Variants in DCLK1 observed in about 807,000 individuals in gnomAD.
DCLK1 encodes doublecortin like kinase 1.
DCLK1 carries 16 observed loss-of-function variants against 86.2 expected under a neutral mutation model. The observed-to-expected ratio is 0.19, with a 90% CI of 0.13 to 0.28. The LOEUF (loss-of-function observed/expected upper bound fraction) is 0.28. Among genes scored for constraint, DCLK1 ranks in the 10% least tolerant of loss-of-function variants. The pLI is 1.00. For synonymous variants in DCLK1, 369 were observed against 370.5 expected (o/e 1.00, Z 0.05); for missense variants, 590 against 940.2 (o/e 0.63, Z 4.87).
intron 3 of DCLK1, among the ~76,000 whole-genome samples, chr13:36,067,442 A>C (rs1430085891): frequency 7.1e-6 from 1 of 140,300 alleles, no homozygotes; most frequent in Non-Finnish European, 1.5e-5. Flanking sequence ...TAGCATTAGG[A>C]GATATACCTA....
chr13:35,793,154 G>A (rs2086738050), intron 16 of DCLK1, among the ~76,000 whole-genome samples: 1 of 152,160 alleles, frequency 6.6e-6, no homozygotes, highest in African/African-American at 2.4e-5. Flanking sequence ...ACACCCTGGA[G>A]GTGTTGGATA....
rs565184534 is a variant in DCLK1 at position 35,822,934 on chromosome 13, G to T, written c.1408-59C>A. On this transcript the variant is annotated intron_variant, in intron 10 of 16. Transcript: ENST00000360631. ...AACAGACGGGCCAGTGGGGCCACCT[G>T]CAGAGGCCATTGACAAACCCCAAAG... 8.2e-6 allele frequency: 13 copies of T among 1,589,870 alleles called. No individual in the cohort carries two copies. The African/African-American group carries it at 1.6e-4, about 20-fold the overall frequency.
intron 3 of DCLK1, among the ~76,000 whole-genome samples, chr13:36,092,510 A>G (rs1350125044): frequency 6.3e-5 from 7 of 110,748 alleles, no homozygotes; most frequent in South Asian, 6.8e-4. Context: ...TTTTTGAGAC[A>G]GAGTCTCACT....
At chr13:36,049,308 T>A (rs1344326105) in intron 3 of DCLK1, among the ~76,000 whole-genome samples, 1 of 152,184 alleles carries the variant, frequency 6.6e-6, no homozygotes, top group Non-Finnish European at 1.5e-5. Context: ...GCTAAGAATG[T>A]GTCAATCCAT....
At chr13:35,842,056 C>T (rs181047757) in intron 6 of DCLK1, among the ~76,000 whole-genome samples, 519 of 151,312 alleles carry the variant, frequency 3.4e-3, no homozygotes, top group Middle Eastern at 0.01. Flanking sequence ...AGGAAGTTCT[C>T]CTGCTAAAAA....
chr13:36,073,140 TG>T (rs1884040809), intron 3 of DCLK1, among the ~76,000 whole-genome samples: 1 of 152,214 alleles, frequency 6.6e-6, no homozygotes, highest in South Asian at 2.1e-4. Context: ...TATAATTCAA[TG>T]ATTTTTAGTA....
At chr13:36,113,237 T>G (rs1401912442) in intron 2 of DCLK1, among the ~76,000 whole-genome samples, 2 of 152,158 alleles carry the variant, frequency 1.3e-5, no homozygotes, top group African/African-American at 4.8e-5. Flanking sequence ...AGTGCAAGCA[T>G]CCAAGGCCAA....
intron 4 of DCLK1, among the ~76,000 whole-genome samples, chr13:35,878,094 C>G (rs955722804): frequency 6.6e-6 from 1 of 152,172 alleles, no homozygotes; most frequent in South Asian, 2.1e-4. Flanking sequence ...TTCTGAGCAC[C>G]CCCAGTGCCT....
In DCLK1 at chr13:35,770,107, G is replaced by A. The variant is rs116097087; in HGVS notation, c.*4428C>T. On this transcript the variant is annotated 3_prime_UTR_variant, in exon 17 of 17. Coordinates refer to ENST00000360631, the MANE Select transcript of DCLK1 (RefSeq NM_001330071.2). ...GCATGTATGGTTGCATATTTGAGAT[G>A]ATTAAAAATAAAAGACTGGCTTAAA... 29 of 152,272 alleles carry A rather than the reference G, an allele frequency of 1.9e-4. No homozygotes were observed. The highest frequency in any genetic ancestry group is 6.7e-4 in the African/African-American group (28 of 41,576). 9.4% of individuals were successfully genotyped at this position (152,272 alleles called of 1,614,324 possible). A position where few individuals can be genotyped will look rare whatever the true frequency, so the allele number is the denominator to read the frequency against.
chr13:35,850,856 T>C, intron 6 of DCLK1: 1 of 1,223,198 alleles, frequency 8.2e-7, no homozygotes, highest in Non-Finnish European at 1.1e-6. Flanking sequence ...CAGCACTGAA[T>C]GGGCATCCCC....
At chr13:36,077,903 A>G (rs961066420) in intron 3 of DCLK1, among the ~76,000 whole-genome samples, 19 of 152,196 alleles carry the variant, frequency 1.2e-4, no homozygotes, top group Non-Finnish European at 2.4e-4. Context: ...TGACTTTGTG[A>G]GCTCTGATCC....
chr13:35,791,305 G>A, intron 16 of DCLK1, among the ~76,000 whole-genome samples: 1 of 151,404 alleles, frequency 6.6e-6, no homozygotes, highest in East Asian at 1.9e-4. Flanking sequence ...CAGCAGTAAA[G>A]ATTAAACAAG....
intron 4 of DCLK1, among the ~76,000 whole-genome samples, chr13:35,928,970 C>T (rs541808706): frequency 6.6e-6 from 1 of 152,282 alleles, no homozygotes; most frequent in South Asian, 2.1e-4. Context: ...CACTCTGTCA[C>T]CCAGACTGGA....
chr13:35,862,032 C>CAAAA (rs36091477), intron 5 of DCLK1, among the ~76,000 whole-genome samples: 217 of 70,746 alleles, frequency 3.1e-3, no homozygotes, highest in Non-Finnish European at 3.7e-3. Flanking sequence ...GACTCCGTCT[C>CAAAA]AAAAAAAAAA....
Position 36,071,110 on chromosome 13 carries a change from T to C in DCLK1, c.723+40759A>G, listed in dbSNP as rs369862781. ...ATGCACATTTCTATTCTTCTGCTTGTAGCATTTTAACACTTCAGAATTTTT... is the reference window on the plus strand; with the variant it reads ...ATGCACATTTCTATTCTTCTGCTTGCAGCATTTTAACACTTCAGAATTTTT... On this transcript the variant is annotated intron_variant, in intron 3 of 16. Transcript: ENST00000360631. Among the ~76,000 whole-genome samples, 21 of 152,224 alleles carry C rather than the reference T, an allele frequency of 1.4e-4. No individual in the cohort carries two copies. In the East Asian group the frequency reaches 3.1e-3, roughly 22 times the overall value.
chr13:35,907,679 C>G (rs1874762889), intron 4 of DCLK1, among the ~76,000 whole-genome samples: 1 of 152,082 alleles, frequency 6.6e-6, no homozygotes, highest in Admixed American at 6.6e-5. Flanking sequence ...GGCCCCAAAG[C>G]CACCCCATTT....
intron 3 of DCLK1, among the ~76,000 whole-genome samples, chr13:35,959,136 G>A (rs1247234469): frequency 1.3e-5 from 2 of 152,150 alleles, no homozygotes; most frequent in Admixed American, 1.3e-4. Flanking sequence ...ATATGGTGAT[G>A]AAAACACCTT....
At chr13:36,056,655 C>CAA (rs530272282) in intron 3 of DCLK1, among the ~76,000 whole-genome samples, 26 of 121,106 alleles carry the variant, frequency 2.1e-4, no homozygotes, top group East Asian at 1.3e-3. Flanking sequence ...TTCCAGAGCA[C>CAA]ACAAAAAAAA....
At chr13:35,950,774 G>A (rs1310273410) in intron 3 of DCLK1, among the ~76,000 whole-genome samples, 1 of 152,106 alleles carries the variant, frequency 6.6e-6, no homozygotes, top group African/African-American at 2.4e-5. Flanking sequence ...AAGCTTTTCT[G>A]TTCCACCTCC....
Sources: allele counts gnomAD v4.1 joint callset (sites outside exome capture counted in the v4.1 genomes callset), GRCh38; gene constraint gnomAD v4.1.1; transcripts MANE v1.5; gene names NCBI Gene and HGNC (gene_info 2026-07-23, HGNC 2026-07-21).